ZNF444: variants seen among roughly 807,000 people sequenced by gnomAD.
The protein encoded by ZNF444 is endothelial zinc finger protein 2.
In ZNF444, 8 loss-of-function variants were observed where a neutral mutation model predicts 14.4. That is an observed-to-expected ratio of 0.56 (90% CI 0.33 to 1.00). The LOEUF is 1.00. Ranked by LOEUF, ZNF444 falls within the 50% of genes least tolerant of loss-of-function variation. The pLI is 0.03. For missense variants in ZNF444, 510 were observed against 504.8 expected, an observed-to-expected ratio of 1.01 and a Z score of -0.10; for synonymous variants, 258 against 235.9, an observed-to-expected ratio of 1.09 and a Z score of -0.86.
chr19:56,146,973 ACCGCTTCCG>A lies in ZNF444; in HGVS notation c.71_79del (p.Arg24_Phe26del). Reference sequence around the variant, plus strand: ...GGCCTGGCGCTGGACTCCCCGTGGCACCGCTTCCGCCGCTTCCACCTGGGCGACGCGCCG... The same window carrying A: ...GGCCTGGCGCTGGACTCCCCGTGGCACCGCTTCCACCTGGGCGACGCGCCG... On this transcript the variant is annotated inframe_deletion, in exon 3 of 5. Transcript: ENST00000337080. 2.1e-6 allele frequency: 3 copies of A among 1,441,424 alleles called. No individual in the cohort carries two copies. The highest frequency in any genetic ancestry group is 2.7e-6 in the Non-Finnish European group (3 of 1,106,574). The allele number at this position is 1,441,424 out of a possible 1,614,324, so 89.3% of individuals were successfully genotyped here. A position where few individuals can be genotyped will look rare whatever the true frequency, so the allele number is the denominator to read the frequency against.
Position 56,160,121 on chromosome 19 carries a change from C to A in ZNF444, c.904C>A (p.Arg302=). Residue 302 remains arginine, a synonymous_variant, in exon 5 of 5, where the codon CGG becomes AGG. Coordinates refer to ENST00000337080, the MANE Select transcript of ZNF444 (RefSeq NM_018337.4). ...HVLRHQRIHG[R]AAASAQGAVA... ...GCTGCGCCACCAGCGCATCCACGGC[C>A]GGGCAGCGGCCAGCGCGCAGGGGGC... 2.0e-6 allele frequency: 3 copies of A among 1,485,586 alleles called. No individual in the cohort carries two copies. Among genetic ancestry groups the A allele is most frequent in the Non-Finnish European group, 2.7e-6 (3 of 1,125,386 alleles). 92.0% of individuals were successfully genotyped at this position (1,485,586 alleles called of 1,614,324 possible).
chr19:56,150,663 A>G (rs1269173420), intron 3 of ZNF444, among the ~76,000 whole-genome samples: 1 of 152,252 alleles, frequency 6.6e-6, no homozygotes, highest in Non-Finnish European at 1.5e-5. Flanking sequence ...AGTTTTAGGT[A>G]AAAGTAAAGA....
chr19:56,153,691 C>T (rs2031724914), intron 3 of ZNF444, among the ~76,000 whole-genome samples: 1 of 152,128 alleles, frequency 6.6e-6, no homozygotes, highest in South Asian at 2.1e-4. Flanking sequence ...GGGCGTCTGC[C>T]AATCGGGGAA....
intron 3 of ZNF444, among the ~76,000 whole-genome samples, chr19:56,149,207 TC>T (rs1445983113): frequency 6.3e-5 from 4 of 63,110 alleles, no homozygotes; most frequent in East Asian, 4.8e-4. Flanking sequence ...TCTGCTTCCA[TC>T]CCCCATCACT....
rs548048494 is a variant in ZNF444 at position 56,145,447 on chromosome 19, G to A, written c.-196-800G>A. On this transcript the variant is annotated intron_variant, in intron 1 of 4. Coordinates refer to ENST00000337080, the MANE Select transcript of ZNF444 (RefSeq NM_018337.4). The surrounding 1 kb of genome is among the most constrained non-coding windows in gnomAD (Gnocchi z 4.3). ...CTAAAAATACAAAAATTATCCGGAC[G>A]TGGTAACGCACGTCTATAATCCCAG... Among the ~76,000 whole-genome samples, 3 of 152,232 alleles carry A rather than the reference G, an allele frequency of 2.0e-5. No homozygotes were observed. Among genetic ancestry groups the A allele is most frequent in the South Asian group, 2.1e-4 (1 of 4,818 alleles).
chr19:56,158,721 G>T, intron 4 of ZNF444, 119 bp downstream of exon 4: 1 of 948,506 alleles, frequency 1.1e-6, no homozygotes, highest in Non-Finnish European at 1.5e-6. Flanking sequence ...AGCCCTTGAG[G>T]AGCCCCGGGG....
chr19:56,159,662 G>A lies in ZNF444; in HGVS notation c.445G>A (p.Asp149Asn), dbSNP rs1317582513. Residue 149 changes from aspartate to asparagine, a missense_variant, in exon 5 of 5, where the codon GAC becomes AAC. Transcript: ENST00000337080. ...TGGGGCTGAGGGGCCGGCGCCTGGG[G>A]ACTCCCAGGCTGTGCGCCCCTACAA... ...APGAEGPAPGDSQAVRPYKQE... is the reference protein window; with the variant it reads ...APGAEGPAPGNSQAVRPYKQE... The A allele has an allele frequency of 5.4e-6, 8 of 1,474,024 alleles. No individual in the cohort carries two copies. Among genetic ancestry groups the A allele is most frequent in the South Asian group, 1.3e-5 (1 of 77,104 alleles). 91.3% of individuals were successfully genotyped at this position (1,474,024 alleles called of 1,614,324 possible). A position where few individuals can be genotyped will look rare whatever the true frequency, so the allele number is the denominator to read the frequency against.
chr19:56,140,315 G>C (rs776974791), upstream of ZNF444, among the ~76,000 whole-genome samples: 11 of 39,082 alleles, frequency 2.8e-4, no homozygotes, highest in Admixed American at 6.3e-4. Flanking sequence ...AATCAGGTCT[G>C]GAACTGTCTA....
chr19:56,140,253 T>C (rs1051365601), upstream of ZNF444, among the ~76,000 whole-genome samples: 2 of 152,104 alleles, frequency 1.3e-5, no homozygotes, highest in Non-Finnish European at 2.9e-5. Context: ...TTATCCTTGT[T>C]GTACGGAGGA....
rs565633422 is a variant in ZNF444 at position 56,141,295 on chromosome 19, C to A, written c.-259C>A. 3.6e-5 allele frequency: 2 copies of A among 56,158 alleles called. No homozygotes were observed. The highest frequency in any genetic ancestry group is 5.0e-4 in the Admixed American group (2 of 3,974). 3.5% of individuals were successfully genotyped at this position (56,158 alleles called of 1,614,324 possible). A position where few individuals can be genotyped will look rare whatever the true frequency, so the allele number is the denominator to read the frequency against. Reference sequence around the variant, plus strand: ...AGCCTGCTGGGGCATGGAGTCCCGGCGAGCTTTGTGCGCATGTGCGGGGAG... The same window carrying A: ...AGCCTGCTGGGGCATGGAGTCCCGGAGAGCTTTGTGCGCATGTGCGGGGAG... On this transcript the variant is annotated 5_prime_UTR_variant, in exon 1 of 5. Coordinates refer to ENST00000337080, the MANE Select transcript of ZNF444 (RefSeq NM_018337.4).
intron 1 of ZNF444, among the ~76,000 whole-genome samples, chr19:56,133,071 G>A (rs2030524657): frequency 6.6e-6 from 1 of 151,384 alleles, no homozygotes; most frequent in African/African-American, 2.4e-5. Flanking sequence ...CCAAGTAGCT[G>A]GGATTACAGG....
chr19:56,146,668 A>G (rs1294231635), intron 2 of ZNF444, among the ~76,000 whole-genome samples: 2 of 152,196 alleles, frequency 1.3e-5, no homozygotes. Context: ...GGATGCCTGT[A>G]ATTCCCGCTA....
chr19:56,159,878 C>T lies in ZNF444; in HGVS notation c.661C>T (p.His221Tyr), dbSNP rs1411778198. The part of the protein sequence containing the change: ...ECGKAFRRKE[H>Y]LRRHRDTHPG... ...CGGGAAGGCCTTTCGGCGCAAGGAG[C>T]ACCTGCGGCGCCACCGCGACACGCA... Residue 221 changes from histidine (H) to tyrosine (Y), a missense_variant, in exon 5 of 5, where the codon CAC (histidine) becomes TAC (tyrosine). His to Tyr is a moderately conservative substitution (Grantham distance 83, BLOSUM62 2). Coordinates refer to ENST00000337080, the MANE Select transcript of ZNF444 (RefSeq NM_018337.4). The T allele has an allele frequency of 6.5e-7, 1 of 1,530,594 alleles. No individual in the cohort carries two copies. Among genetic ancestry groups the T allele is most frequent in the Admixed American group, 2.0e-5 (1 of 50,534 alleles). 94.8% of individuals were successfully genotyped at this position (1,530,594 alleles called of 1,614,324 possible).
chr19:56,157,521 G>A (rs2637085), intron 3 of ZNF444: 47,765 of 151,912 alleles, frequency 0.31, 10,125 homozygotes, highest in East Asian at 0.59. Context: ...CTCCTGCCTC[G>A]GCGTCCCGAG....
chr19:56,149,379 C>T (rs2031433092), intron 3 of ZNF444, among the ~76,000 whole-genome samples: 1 of 139,068 alleles, frequency 7.2e-6, no homozygotes, highest in Non-Finnish European at 1.6e-5. Context: ...CTGACCTTGA[C>T]CTCTGCTTCC....
At chr19:56,146,800 TA>T (rs527285934) in intron 2 of ZNF444, 89 bp from the exon 3 acceptor site, 467 of 1,009,474 alleles carry the variant, frequency 4.6e-4, no homozygotes, top group South Asian at 6.5e-4. Flanking sequence ...AAATAAAAAG[TA>T]AAAAAAAAGA....
chr19:56,142,197 AG>A (rs1448775541), intron 1 of ZNF444: 1 of 152,216 alleles, frequency 6.6e-6, no homozygotes, highest in Non-Finnish European at 1.5e-5. Context: ...ACTTCGACAA[AG>A]TAACCCTAAG....
intron 1 of ZNF444, among the ~76,000 whole-genome samples, chr19:56,134,756 A>T (rs1352258259): frequency 2.0e-5 from 3 of 152,078 alleles, no homozygotes; most frequent in Non-Finnish European, 4.4e-5. Context: ...CAGATCGTCA[A>T]GGTGATATTT....
chr19:56,159,661 G>C lies in ZNF444; in HGVS notation c.444G>C (p.Gly148=). Residue 148 remains glycine (G), a synonymous_variant, in exon 5 of 5, where the codon GGG becomes GGC. Coordinates refer to ENST00000337080, the MANE Select transcript of ZNF444 (RefSeq NM_018337.4). ...TAPGAEGPAP[G]DSQAVRPYKQ... ...CTGGGGCTGAGGGGCCGGCGCCTGG[G>C]GACTCCCAGGCTGTGCGCCCCTACA... 6.8e-7 allele frequency: 1 copy of C among 1,472,180 alleles called. No homozygotes were observed. The highest frequency in any genetic ancestry group is 9.0e-7 in the Non-Finnish European group (1 of 1,115,992). The allele number at this position is 1,472,180 out of a possible 1,614,324, so 91.2% of individuals were successfully genotyped here.
Sources: gnomAD v4.1 joint callset for allele counts (sites outside exome capture counted in the v4.1 genomes callset) on GRCh38, gnomAD v4.1.1 for gene constraint, Gnocchi (gnomAD v3.1) non-coding constraint, MANE v1.5 for transcripts, NCBI Gene and HGNC (gene_info 2026-07-23, HGNC 2026-07-21) for gene names.